Variants in BRINP3 observed in about 807,000 individuals in gnomAD.
The protein encoded by BRINP3 is BMP/retinoic acid inducible neural specific 3.
A neutral mutation model predicts 71.0 loss-of-function variants in BRINP3; 19 were observed. The ratio of observed to expected loss-of-function variants is 0.27; its 90% CI spans 0.19 to 0.39. The LOEUF (loss-of-function observed/expected upper bound fraction) is 0.39, where lower values mean the gene tolerates loss of function less well. Among genes scored for constraint, BRINP3 ranks in the 10% least tolerant of loss-of-function variants. BRINP3 has a pLI of 1.00. For synonymous variants in BRINP3, 380 were observed against 337.7 expected, an observed-to-expected ratio of 1.13 and a Z score of -1.37; for missense variants, 959 against 940.8, an observed-to-expected ratio of 1.02 and a Z score of -0.25.
chr1:190,445,146 TA>T (rs1294464338), intron 2 of BRINP3, among the ~76,000 whole-genome samples: 3 of 151,934 alleles, frequency 2.0e-5, no homozygotes, highest in African/African-American at 7.2e-5. Flanking sequence ...TTGGGGAAAT[TA>T]AAAAAATAGG....
intron 6 of BRINP3, among the ~76,000 whole-genome samples, chr1:190,207,275 T>C (rs1018516220): frequency 7.2e-5 from 11 of 152,148 alleles, no homozygotes; most frequent in African/African-American, 2.7e-4. Flanking sequence ...GAAATTTATC[T>C]TGTTATTCTC....
chr1:190,104,299 G>A (rs1168856657), intron 7 of BRINP3, among the ~76,000 whole-genome samples: 1 of 151,960 alleles, frequency 6.6e-6, no homozygotes, highest in Non-Finnish European at 1.5e-5. Flanking sequence ...TTTGAATCCT[G>A]TTCATTTACT....
chr1:190,277,364 G>C (rs1397566204), intron 3 of BRINP3, among the ~76,000 whole-genome samples: 1 of 151,128 alleles, frequency 6.6e-6, no homozygotes, highest in Non-Finnish European at 1.5e-5. Flanking sequence ...AGCTGAGAGA[G>C]ACAAGAGTAC....
chr1:190,380,644 A>G (rs550863354), intron 2 of BRINP3, among the ~76,000 whole-genome samples: 1 of 152,292 alleles, frequency 6.6e-6, no homozygotes, highest in East Asian at 1.9e-4. Flanking sequence ...TATGATCAGT[A>G]AAAGTATCCC....
At chr1:190,312,036 A>AATATATAT (rs1180367434) in intron 2 of BRINP3, among the ~76,000 whole-genome samples, 2,859 of 68,126 alleles carry the variant, frequency 0.042, 126 homozygotes, top group East Asian at 0.079. Flanking sequence ...TGAAAAGTCA[A>AATATATAT]ATATATATAT....
chr1:190,416,149 A>G (rs1294099706), intron 2 of BRINP3, among the ~76,000 whole-genome samples: 1 of 152,150 alleles, frequency 6.6e-6, no homozygotes, highest in Non-Finnish European at 1.5e-5. Context: ...GGTTGTCTCA[A>G]TAACTATAAA....
intron 3 of BRINP3, among the ~76,000 whole-genome samples, chr1:190,277,113 A>ATATATATATATATTTATT (rs746851050): frequency 1.9e-5 from 2 of 107,486 alleles, no homozygotes; most frequent in East Asian, 3.3e-4. Flanking sequence ...ATATATATAT[A>ATATATATATATATTTATT]TATATTTATA....
intron 7 of BRINP3, among the ~76,000 whole-genome samples, chr1:190,143,420 G>A (rs780150479): frequency 3.3e-5 from 5 of 152,164 alleles, no homozygotes; most frequent in African/African-American, 1.2e-4. Context: ...CAAAGGTCAA[G>A]CCTTTCAGTT....
chr1:190,320,427 G>A (rs1321714932), intron 2 of BRINP3, among the ~76,000 whole-genome samples: 1 of 151,992 alleles, frequency 6.6e-6, no homozygotes, highest in Non-Finnish European at 1.5e-5. Context: ...TTACTAATAG[G>A]AGATCCCACT....
In BRINP3 at chr1:190,180,114, G is replaced by T. The variant is rs77256435; in HGVS notation, c.962-19224C>A. Among the ~76,000 whole-genome samples the T allele has an allele frequency of 3.5e-3, 527 of 152,184 alleles. 2 individuals carry two copies. The highest frequency in any genetic ancestry group is 0.011 in the African/African-American group (464 of 41,530). ...TAACCCAACATGCCTTTGACCTGGG[G>T]ACAGGAGAAAATAATTGTTCTGCAC... On this transcript the variant is annotated intron_variant, in intron 6 of 7. Transcript: ENST00000367462.
intron 7 of BRINP3, among the ~76,000 whole-genome samples, chr1:190,159,842 A>C (rs1490379851): frequency 6.6e-6 from 1 of 152,040 alleles, no homozygotes; most frequent in African/African-American, 2.4e-5. Flanking sequence ...AAAACAATCC[A>C]ATGTTTTCTT....
At chr1:190,279,425 C>T (rs1662872494) in intron 3 of BRINP3, among the ~76,000 whole-genome samples, 1 of 151,796 alleles carries the variant, frequency 6.6e-6, no homozygotes, top group Admixed American at 6.6e-5. Flanking sequence ...CTCCCCTTTT[C>T]TGTTAAATAA....
intron 3 of BRINP3, among the ~76,000 whole-genome samples, chr1:190,276,849 T>G (rs1208101413): frequency 1.3e-5 from 2 of 150,706 alleles, no homozygotes; most frequent in East Asian, 3.9e-4. Flanking sequence ...AATCAAAATG[T>G]ATATTATCTT....
chr1:190,250,706 C>T (rs1329859823), intron 4 of BRINP3, among the ~76,000 whole-genome samples: 1 of 151,910 alleles, frequency 6.6e-6, no homozygotes, highest in African/African-American at 2.4e-5. Flanking sequence ...TAGCTTGGAA[C>T]AGTATGAAGG....
intron 3 of BRINP3, among the ~76,000 whole-genome samples, chr1:190,269,346 T>C (rs1233696513): frequency 6.6e-6 from 1 of 152,032 alleles, no homozygotes; most frequent in East Asian, 1.9e-4. Context: ...AGAGGAAAGT[T>C]CATGAAAATA....
intron 2 of BRINP3, among the ~76,000 whole-genome samples, chr1:190,401,397 A>G (rs1453069632): frequency 6.8e-6 from 1 of 147,402 alleles, no homozygotes; most frequent in African/African-American, 2.5e-5. Context: ...AAAAAAAAAA[A>G]GGAAAAGAAA....
chr1:190,473,248 C>A (rs1677262483), intron 1 of BRINP3, among the ~76,000 whole-genome samples: 1 of 151,906 alleles, frequency 6.6e-6, no homozygotes, highest in Non-Finnish European at 1.5e-5. Flanking sequence ...AATTAGAATT[C>A]ATTGACAAAT....
In BRINP3 at chr1:190,134,619, T is replaced by C. The variant is rs567442816; in HGVS notation, c.1184+26049A>G. Among the ~76,000 whole-genome samples the C allele has an allele frequency of 3.1e-4, 47 of 151,764 alleles. No individual in the cohort carries two copies. In the South Asian group the frequency reaches 9.4e-3, roughly 30 times the overall value. On this transcript the variant is annotated intron_variant, in intron 7 of 7. Coordinates refer to ENST00000367462, the MANE Select transcript of BRINP3 (RefSeq NM_199051.3). ...GTAGCATTTGAAAGATTCTAAAGAG[T>C]CTCCAGAGACAGGCAGGAGTCATAC... is the stretch of plus-strand genomic sequence containing the variant.
chr1:190,294,312 G>A (rs1664087541), intron 2 of BRINP3, among the ~76,000 whole-genome samples: 1 of 149,432 alleles, frequency 6.7e-6, no homozygotes. Flanking sequence ...AGACTAGTCT[G>A]CAGTTGCACA....
Sources: allele counts gnomAD v4.1 joint callset (sites outside exome capture counted in the v4.1 genomes callset), GRCh38; gene constraint gnomAD v4.1.1; transcripts MANE v1.5; gene names NCBI Gene and HGNC (gene_info 2026-07-23, HGNC 2026-07-21).